Variants in CATSPERE observed in about 807,000 individuals in gnomAD.
The protein encoded by CATSPERE is catsper channel auxiliary subunit epsilon.
A neutral mutation model predicts 114.1 loss-of-function variants in CATSPERE; 93 were observed. The observed-to-expected ratio is 0.81, with a 90% CI of 0.69 to 0.97. The LOEUF (loss-of-function observed/expected upper bound fraction) is 0.97. Among genes scored for constraint, CATSPERE ranks in the 50% least tolerant of loss-of-function variants. The probability of loss-of-function intolerance (pLI) is 0.00; values close to 1 mark genes in which losing one functional copy is unlikely to be tolerated. For synonymous variants in CATSPERE, 341 were observed against 384.1 expected, an observed-to-expected ratio of 0.89 and a Z score of 1.31; for missense variants, 1,058 against 1,131.6, an observed-to-expected ratio of 0.93 and a Z score of 0.93.
At chr1:244,623,171 G>A (rs6681919) in intron 20 of CATSPERE, among the ~76,000 whole-genome samples, 89,406 of 151,602 alleles carry the variant, frequency 0.59, 27,051 homozygotes, top group Middle Eastern at 0.71. Context: ...TCCACCTCCC[G>A]GGTTCAAGCG....
chr1:244,588,641 A>G (rs142424445), intron 14 of CATSPERE, 107 bp downstream of exon 14: 53 of 867,910 alleles, frequency 6.1e-5, no homozygotes, highest in African/African-American at 3.8e-4. Flanking sequence ...CACATCCACA[A>G]TGAAATCCAA....
chr1:244,597,549 T>TTTTTTC (rs1668609008), intron 17 of CATSPERE, among the ~76,000 whole-genome samples: 8 of 151,726 alleles, frequency 5.3e-5, no homozygotes, highest in Admixed American at 1.3e-4. Context: ...TTTTTTTTTT[T>TTTTTTC]TCATGATCTG....
At chr1:244,615,273 A>T (rs1671236293) in intron 19 of CATSPERE, among the ~76,000 whole-genome samples, 2 of 151,924 alleles carry the variant, frequency 1.3e-5, no homozygotes, top group Non-Finnish European at 2.9e-5. Context: ...ATATCCACAA[A>T]CATTGCTCTC....
At chr1:244,463,788 G>A in intron 1 of CATSPERE, 120 bp from the exon 2 acceptor site, 3 of 830,118 alleles carry the variant, frequency 3.6e-6, no homozygotes, top group African/African-American at 1.7e-5. Context: ...TGTCAAGGAA[G>A]GGAATGAGGC....
At chr1:244,533,378 G>T (rs375328557) in intron 8 of CATSPERE, among the ~76,000 whole-genome samples, 2 of 152,042 alleles carry the variant, frequency 1.3e-5, no homozygotes. Context: ...GATAAGTAAG[G>T]ATGTACTCCT....
upstream of CATSPERE, among the ~76,000 whole-genome samples, chr1:244,452,471 G>A (rs1572158284): frequency 6.6e-6 from 1 of 152,174 alleles, no homozygotes; most frequent in East Asian, 1.9e-4. Context: ...AACAGAGATG[G>A]GGACAGGGAT....
At chr1:244,618,152 G>A (rs760287852) in intron 20 of CATSPERE, among the ~76,000 whole-genome samples, 25 of 152,166 alleles carry the variant, frequency 1.6e-4, no homozygotes, top group Non-Finnish European at 3.1e-4. Context: ...AAAACTTTCT[G>A]GAGAACACAG....
At chr1:244,453,124 A>T (rs1003608460), upstream of CATSPERE, among the ~76,000 whole-genome samples, 3 of 152,244 alleles carry the variant, frequency 2.0e-5, no homozygotes, top group African/African-American at 7.2e-5. Context: ...TAAAGATACA[A>T]TTCAGCCCTC....
intron 20 of CATSPERE, among the ~76,000 whole-genome samples, chr1:244,619,766 C>A (rs1413208602): frequency 1.3e-5 from 2 of 151,994 alleles, no homozygotes; most frequent in African/African-American, 4.8e-5. Flanking sequence ...GACAATAGGA[C>A]ACATTAAATG....
intron 20 of CATSPERE, among the ~76,000 whole-genome samples, chr1:244,632,433 G>T (rs1408240214): frequency 2.0e-5 from 3 of 148,318 alleles, no homozygotes; most frequent in African/African-American, 5.0e-5. Context: ...GAAAAGAAAA[G>T]AAAATACTAT....
At chr1:244,525,505 A>G (rs1056137676) in intron 8 of CATSPERE, among the ~76,000 whole-genome samples, 1 of 117,150 alleles carries the variant, frequency 8.5e-6, no homozygotes, top group Non-Finnish European at 1.7e-5. Context: ...TAAATAAAAT[A>G]TAATAAAATA....
chr1:244,475,693 C>T (rs180757656), intron 2 of CATSPERE, among the ~76,000 whole-genome samples: 22 of 151,694 alleles, frequency 1.5e-4, no homozygotes, highest in Non-Finnish European at 2.8e-4. Context: ...CGCACCACCA[C>T]GCCTAGCTTA....
intron 20 of CATSPERE, among the ~76,000 whole-genome samples, chr1:244,621,307 A>C (rs1196760668): frequency 0.2 from 10,481 of 52,226 alleles, 4,710 homozygotes; most frequent in Non-Finnish European, 0.22. Context: ...AAATATATAA[A>C]TATATAAAAT....
intron 5 of CATSPERE, among the ~76,000 whole-genome samples, chr1:244,486,875 G>A (rs1671142765): frequency 1.0e-5 from 1 of 99,518 alleles, no homozygotes; most frequent in Non-Finnish European, 2.1e-5. Flanking sequence ...GACCCTCGTA[G>A]TCACCTGGTG....
intron 5 of CATSPERE, among the ~76,000 whole-genome samples, 188 bp downstream of exon 5, chr1:244,479,972 A>G (rs1033038888): frequency 2.6e-5 from 4 of 152,242 alleles, no homozygotes; most frequent in African/African-American, 4.8e-5. Context: ...AGCAACCACT[A>G]TTTGAGCACA....
chr1:244,632,409 AT>A (rs1674076327), intron 20 of CATSPERE, among the ~76,000 whole-genome samples: 2 of 147,558 alleles, frequency 1.4e-5, no homozygotes, highest in African/African-American at 2.5e-5. Flanking sequence ...AAAAAAAAAA[AT>A]GAAAAAGAAA....
At position 244,573,984 on chromosome 1, in the gene CATSPERE, C is replaced by G. The variant is rs1664866398; in HGVS notation, c.1950+1212C>G. On this transcript the variant is annotated intron_variant, in intron 11 of 21. Coordinates refer to ENST00000366534, the MANE Select transcript of CATSPERE (RefSeq NM_001130957.2). This position sits in a 1 kb window ranked among gnomAD's most constrained non-coding sequence, Gnocchi z 4.0. ...TAGTTTCTGCAGAAAGGGTGCTCCT[C>G]ACAGATGGAACAATGGCAAGAGTGC... 6.6e-6 allele frequency among the ~76,000 whole-genome samples: 1 copy of G among 152,152 alleles called. No individual in the cohort carries two copies. Among genetic ancestry groups the G allele is most frequent in the Admixed American group, 6.5e-5 (1 of 15,276 alleles).
chr1:244,564,611 T>A (rs1364665004), intron 10 of CATSPERE, among the ~76,000 whole-genome samples: 2 of 152,222 alleles, frequency 1.3e-5, no homozygotes, highest in African/African-American at 4.8e-5. Flanking sequence ...TCTTGAGACG[T>A]TGCTGAAGTT....
intron 13 of CATSPERE, 152 bp from the exon 14 acceptor site, chr1:244,588,330 A>C: frequency 1.9e-6 from 1 of 519,222 alleles, no homozygotes; most frequent in Non-Finnish European, 3.4e-6. Flanking sequence ...TCAAGGAAAG[A>C]GGAAGAAAAC....
Sources: allele counts gnomAD v4.1 joint callset (sites outside exome capture counted in the v4.1 genomes callset), GRCh38; gene constraint gnomAD v4.1.1; non-coding constraint Gnocchi (gnomAD v3.1); transcripts MANE v1.5; gene names NCBI Gene and HGNC (gene_info 2026-07-23, HGNC 2026-07-21).